Variants in CNTN6 observed in about 807,000 individuals in gnomAD.
CNTN6 encodes contactin-6.
In CNTN6, 137 loss-of-function variants were observed where a neutral mutation model predicts 122.8. The ratio of observed to expected loss-of-function variants is 1.12; its 90% CI spans 0.97 to 1.29. CNTN6 has a LOEUF of 1.29. CNTN6 is among the 50% of genes most tolerant of loss of function. CNTN6 has a pLI of 0.00. For synonymous variants in CNTN6, 570 were observed against 426.0 expected (o/e 1.34, Z -4.16); for missense variants, 1,634 against 1,223.4 (o/e 1.34, Z -5.01).
chr3:1,155,560 G>T (rs544490143), intron 2 of CNTN6, among the ~76,000 whole-genome samples: 1 of 152,154 alleles, frequency 6.6e-6, no homozygotes, highest in East Asian at 1.9e-4. Context: ...AATACAGTTT[G>T]CTTAGACACA....
chr3:1,217,149 G>A (rs926727389), intron 2 of CNTN6, among the ~76,000 whole-genome samples: 1 of 152,154 alleles, frequency 6.6e-6, no homozygotes, highest in Non-Finnish European at 1.5e-5. Flanking sequence ...ATCCCCTGAG[G>A]CCCATTTGAT....
At chr3:1,369,037 C>A (rs962187541) in intron 12 of CNTN6, among the ~76,000 whole-genome samples, 3 of 152,192 alleles carry the variant, frequency 2.0e-5, no homozygotes, top group African/African-American at 7.2e-5. Flanking sequence ...TTAATCCTTT[C>A]ATTTTCAGCA....
Position 1,097,108 on chromosome 3 carries a change from G to C in CNTN6, c.-83+3988G>C, listed in dbSNP as rs146896402. ...TTAAGACTGAGTTCATCTGCATGAT[G>C]TGTTGTAGTATTAAACATTTATTAC... is the stretch of plus-strand genomic sequence containing the variant. On this transcript the variant is annotated intron_variant, in intron 1 of 22. Transcript: ENST00000446702. Among the ~76,000 whole-genome samples the C allele has an allele frequency of 1.2e-4, 18 of 152,324 alleles. No homozygotes were observed. The East Asian group carries it at 3.5e-3, about 29-fold the overall frequency.
At chr3:1,293,053 C>G (rs1246368496) in intron 5 of CNTN6, among the ~76,000 whole-genome samples, 2 of 152,142 alleles carry the variant, frequency 1.3e-5, no homozygotes, top group Non-Finnish European at 2.9e-5. Flanking sequence ...ATTTACTGTG[C>G]TCCTGCTGTT....
chr3:1,138,335 T>C (rs2125127648), intron 1 of CNTN6, among the ~76,000 whole-genome samples: 1 of 151,224 alleles, frequency 6.6e-6, no homozygotes, highest in African/African-American at 2.5e-5. Context: ...CTTCACACTA[T>C]AGAATTTTAT....
At position 1,278,476 on chromosome 3, in the gene CNTN6, T is replaced by C. The variant is rs750630719; in HGVS notation, c.422T>C (p.Val141Ala). ...TVSVREGQGV[V>A]LLCGPPPHFG... ...TCTGTCCGAGAAGGTCAAGGTGTGG[T>C]GCTTCTCTGTGGCCCACCGCCACAT... The change falls in exon 5 of 23, where the codon GTG becomes GCG. Residue 141 changes from valine to alanine, a missense_variant. Coordinates refer to ENST00000446702, the MANE Select transcript of CNTN6 (RefSeq NM_001289080.2). The C allele has an allele frequency of 9.3e-6, 15 of 1,612,506 alleles. No homozygotes were observed. The highest frequency in any genetic ancestry group is 6.7e-5 in the African/African-American group (5 of 74,866).
chr3:1,302,232 A>C (rs561348065), intron 7 of CNTN6, among the ~76,000 whole-genome samples: 1 of 150,994 alleles, frequency 6.6e-6, no homozygotes, highest in Non-Finnish European at 1.5e-5. Context: ...GCTGTGCAGC[A>C]TTTGGTTTTA....
chr3:1,115,844 C>A (rs562030354), intron 1 of CNTN6, among the ~76,000 whole-genome samples: 14 of 151,658 alleles, frequency 9.2e-5, no homozygotes, highest in African/African-American at 3.4e-4. Context: ...AGACTCACAA[C>A]AAACAAAAAA....
intron 12 of CNTN6, among the ~76,000 whole-genome samples, chr3:1,368,974 A>T (rs148931555): frequency 3.7e-4 from 56 of 152,278 alleles, no homozygotes; most frequent in African/African-American, 1.3e-3. Flanking sequence ...ATCCTGACCA[A>T]GGCTATCCTC....
chr3:1,158,849 CATACAT>C (rs2093046862), intron 2 of CNTN6, among the ~76,000 whole-genome samples: 1 of 54,370 alleles, frequency 1.8e-5, no homozygotes, highest in Non-Finnish European at 3.5e-5. Flanking sequence ...CATATATATA[CATACAT>C]ATATATACAC....
At chr3:1,288,235 C>T (rs578247261) in intron 5 of CNTN6, among the ~76,000 whole-genome samples, 2 of 152,266 alleles carry the variant, frequency 1.3e-5, no homozygotes, top group East Asian at 3.9e-4. Flanking sequence ...CTCCTTGATT[C>T]CAAACAGTAG....
chr3:1,118,951 T>C (rs1005693244), intron 1 of CNTN6, among the ~76,000 whole-genome samples: 4 of 152,142 alleles, frequency 2.6e-5, no homozygotes, highest in Admixed American at 2.0e-4. Flanking sequence ...GATCCATGAA[T>C]TCATAAGGTG....
chr3:1,169,233 C>T (rs139538703), intron 2 of CNTN6, among the ~76,000 whole-genome samples: 20 of 152,294 alleles, frequency 1.3e-4, no homozygotes, highest in South Asian at 4.1e-4. Flanking sequence ...CCTAAGAGGC[C>T]TCCAGATTAA....
At chr3:1,150,314 G>A (rs1287287235) in intron 2 of CNTN6, among the ~76,000 whole-genome samples, 8 of 152,108 alleles carry the variant, frequency 5.3e-5, no homozygotes, top group African/African-American at 1.9e-4. Flanking sequence ...ATTCTGAAAT[G>A]CCAGCAAATC....
chr3:1,251,880 C>T (rs1057437371), intron 4 of CNTN6, among the ~76,000 whole-genome samples: 2 of 152,144 alleles, frequency 1.3e-5, no homozygotes, highest in Non-Finnish European at 2.9e-5. Context: ...AGTTCTGATT[C>T]AGGTCTGACT....
At chr3:1,098,789 C>CACACATATATATAT (rs1211008614) in intron 1 of CNTN6, among the ~76,000 whole-genome samples, 13 of 63,246 alleles carry the variant, frequency 2.1e-4, no homozygotes, top group South Asian at 7.0e-4. Flanking sequence ...CACACACACA[C>CACACATATATATAT]ATATATATAT....
chr3:1,305,465 T>C (rs1286151619), intron 7 of CNTN6, among the ~76,000 whole-genome samples: 2 of 152,206 alleles, frequency 1.3e-5, no homozygotes, highest in South Asian at 2.1e-4. Context: ...GGACTCTTAA[T>C]TATGAAAGCT....
intron 4 of CNTN6, among the ~76,000 whole-genome samples, chr3:1,245,944 C>T (rs1302573466): frequency 2.0e-5 from 3 of 152,012 alleles, no homozygotes; most frequent in Admixed American, 1.3e-4. Context: ...AATCTCATAA[C>T]GTTTTAAGAA....
At chr3:1,158,851 T>TATATATACAC (rs2093047158) in intron 2 of CNTN6, among the ~76,000 whole-genome samples, 1 of 83,908 alleles carries the variant, frequency 1.2e-5, no homozygotes, top group African/African-American at 5.4e-5. Context: ...TATATATACA[T>TATATATACAC]ACATATATAT....
Sources: allele counts gnomAD v4.1 joint callset (sites outside exome capture counted in the v4.1 genomes callset), GRCh38; gene constraint gnomAD v4.1.1; transcripts MANE v1.5; gene names NCBI Gene and HGNC (gene_info 2026-07-23, HGNC 2026-07-21).